The following UBE2U variants were observed in gnomAD, a reference collection of about 807,000 sequenced individuals.
The protein encoded by UBE2U is ubiquitin conjugating enzyme E2 U.
A neutral mutation model predicts 41.2 loss-of-function variants in UBE2U; 39 were observed. That is an observed-to-expected ratio of 0.95 (90% CI 0.73 to 1.24). The LOEUF (loss-of-function observed/expected upper bound fraction) is 1.24, where lower values mean the gene tolerates loss of function less well. Among genes scored for constraint, UBE2U ranks in the 50% most tolerant of loss-of-function variants. UBE2U has a pLI of 0.00. For missense variants in UBE2U, 336 were observed against 363.1 expected (o/e 0.93, Z 0.61); for synonymous variants, 107 against 117.8 (o/e 0.91, Z 0.60).
Position 64,214,934 on chromosome 1 carries a change from T to G in UBE2U, c.457+2T>G. 6.2e-7 allele frequency: 1 copy of G among 1,611,194 alleles called. No individual in the cohort carries two copies. The highest frequency in any genetic ancestry group is 1.7e-5 in the Admixed American group (1 of 60,014). ...GACTTTTCAACAGGCCATTACAAAG[T>G]AAGAAGTATCTACTTTTGTTAGGTG... On this transcript the variant is annotated splice_donor_variant, in intron 5 of 9. Coordinates refer to ENST00000371077, the MANE Select transcript of UBE2U (RefSeq NM_001366232.2). LOFTEE classifies it high-confidence loss of function.
intron 9 of UBE2U, among the ~76,000 whole-genome samples, chr1:64,262,238 T>A (rs911070424): frequency 2.0e-5 from 3 of 152,248 alleles, no homozygotes; most frequent in African/African-American, 7.2e-5. Flanking sequence ...TGGGTTATCA[T>A]AGCACTTCTA....
chr1:64,264,551 A>G (rs1174112080), intron 9 of UBE2U, among the ~76,000 whole-genome samples: 4 of 152,222 alleles, frequency 2.6e-5, no homozygotes, highest in African/African-American at 9.6e-5. Flanking sequence ...TTAACAGGGC[A>G]GGAACTAAGA....
intron 8 of UBE2U, among the ~76,000 whole-genome samples, chr1:64,253,178 A>G (rs1251763566): frequency 6.6e-6 from 1 of 152,200 alleles, no homozygotes; most frequent in Non-Finnish European, 1.5e-5. Flanking sequence ...CTTGAAGTCT[A>G]TCTTTCTGAA....
intron 6 of UBE2U, among the ~76,000 whole-genome samples, chr1:64,228,922 G>A (rs977910306): frequency 4.8e-5 from 7 of 146,010 alleles, no homozygotes; most frequent in African/African-American, 5.1e-5. Context: ...TTGTAGTGGC[G>A]CGATCTCAGC....
intron 5 of UBE2U, among the ~76,000 whole-genome samples, chr1:64,219,177 A>T (rs1169441050): frequency 6.6e-6 from 1 of 152,218 alleles, no homozygotes; most frequent in Non-Finnish European, 1.5e-5. Context: ...TTACTGTCAT[A>T]TGCTCATAGT....
chr1:64,231,982 C>T (rs1644576666), intron 6 of UBE2U, among the ~76,000 whole-genome samples: 1 of 152,202 alleles, frequency 6.6e-6, no homozygotes, highest in Non-Finnish European at 1.5e-5. Flanking sequence ...CACCTTATAA[C>T]AATCTTTGCT....
Position 64,203,990 on chromosome 1 carries a change from A to G in UBE2U, c.-61A>G, listed in dbSNP as rs1651131314. Reference sequence around the variant, plus strand: ...GGGAAAGTGACCCATAACTTCAAACATCTGCCTCAGAGTAAACCTGAGGCA... The same window carrying G: ...GGGAAAGTGACCCATAACTTCAAACGTCTGCCTCAGAGTAAACCTGAGGCA... On this transcript the variant is annotated 5_prime_UTR_variant, in exon 1 of 10. Coordinates refer to ENST00000371077, the MANE Select transcript of UBE2U (RefSeq NM_001366232.2). The G allele has an allele frequency of 2.6e-6, 4 of 1,524,192 alleles. No homozygotes were observed. In the South Asian group the frequency reaches 3.5e-5, roughly 13 times the overall value. 94.4% of individuals were successfully genotyped at this position (1,524,192 alleles called of 1,614,324 possible). A position where few individuals can be genotyped will look rare whatever the true frequency, so the allele number is the denominator to read the frequency against.
At chr1:64,259,686 A>C (rs1645151566) in intron 8 of UBE2U, among the ~76,000 whole-genome samples, 1 of 152,100 alleles carries the variant, frequency 6.6e-6, no homozygotes, top group African/African-American at 2.4e-5. Flanking sequence ...TACCCCAAAA[A>C]GTAGTCGTCC....
chr1:64,225,782 G>A (rs1386155200), intron 6 of UBE2U, among the ~76,000 whole-genome samples: 1 of 152,220 alleles, frequency 6.6e-6, no homozygotes, highest in East Asian at 1.9e-4. Context: ...TGAACTGGGT[G>A]GGTTCTGCTG....
At chr1:64,243,498 A>G (rs1644869539) in intron 8 of UBE2U, among the ~76,000 whole-genome samples, 1 of 152,144 alleles carries the variant, frequency 6.6e-6, no homozygotes, top group Non-Finnish European at 1.5e-5. Context: ...CACATGAGTA[A>G]TTGGTCTATA....
At chr1:64,206,909 G>T in intron 3 of UBE2U, 53 bp downstream of exon 3, 1 of 1,015,942 alleles carries the variant, frequency 9.8e-7, no homozygotes. Context: ...TATTATCCTT[G>T]TTTCTTATAA....
chr1:64,214,742 A>G (rs1297187699), intron 4 of UBE2U, 73 bp from the exon 5 acceptor site: 3 of 1,069,906 alleles, frequency 2.8e-6, no homozygotes, highest in Admixed American at 1.8e-5. Flanking sequence ...TGAAAGTTGT[A>G]TATATTGGTT....
At chr1:64,230,344 G>A (rs1373639008) in intron 6 of UBE2U, among the ~76,000 whole-genome samples, 1 of 152,138 alleles carries the variant, frequency 6.6e-6, no homozygotes, top group Admixed American at 6.5e-5. Context: ...ACTGATGGCT[G>A]TCTATTACCC....
At chr1:64,259,852 G>A (rs1271639401) in intron 8 of UBE2U, among the ~76,000 whole-genome samples, 2 of 151,860 alleles carry the variant, frequency 1.3e-5, no homozygotes, top group Non-Finnish European at 2.9e-5. Flanking sequence ...TTTCTCCCCT[G>A]TGTAGTGGGT....
chr1:64,222,438 C>T (rs1197179632), intron 6 of UBE2U, among the ~76,000 whole-genome samples: 2 of 152,174 alleles, frequency 1.3e-5, no homozygotes, highest in Non-Finnish European at 2.9e-5. Flanking sequence ...CTTCTGTGGT[C>T]TCAGCTTCAG....
chr1:64,231,625 GAATT>G (rs1473301585), intron 6 of UBE2U, among the ~76,000 whole-genome samples: 3 of 152,270 alleles, frequency 2.0e-5, no homozygotes, highest in East Asian at 1.9e-4. Context: ...ATAAATGAAT[GAATT>G]AACACATTTA....
At chr1:64,263,812 A>G (rs1645214535) in intron 9 of UBE2U, among the ~76,000 whole-genome samples, 1 of 152,156 alleles carries the variant, frequency 6.6e-6, no homozygotes, top group Non-Finnish European at 1.5e-5. Context: ...TTCCTCAGAT[A>G]TGGCATTTTC....
intron 6 of UBE2U, among the ~76,000 whole-genome samples, chr1:64,224,935 TCACACACACACA>T (rs34259884): frequency 2.7e-5 from 4 of 146,840 alleles, no homozygotes; most frequent in East Asian, 2.0e-4. Context: ...TAGGATATTA[TCACACACACACA>T]CACACACACA....
intron 8 of UBE2U, among the ~76,000 whole-genome samples, chr1:64,247,924 G>A (rs529211078): frequency 3.9e-4 from 58 of 148,880 alleles, no homozygotes; most frequent in Non-Finnish European, 7.5e-4. Flanking sequence ...CTCCTCTCTC[G>A]CCTGTGACCT....
Sources: gnomAD v4.1 joint callset for allele counts (sites outside exome capture counted in the v4.1 genomes callset) on GRCh38, gnomAD v4.1.1 for gene constraint, MANE v1.5 for transcripts, NCBI Gene and HGNC (gene_info 2026-07-23, HGNC 2026-07-21) for gene names.